Variants in CPNE4 observed in about 807,000 individuals in gnomAD.
CPNE4 encodes the protein copine 4, also known as copine-4.
A neutral mutation model predicts 67.9 loss-of-function variants in CPNE4; 25 were observed. That is an observed-to-expected ratio of 0.37 (90% CI 0.27 to 0.51). The LOEUF is 0.51. Ranked by LOEUF, CPNE4 falls within the 20% of genes least tolerant of loss-of-function variation. The probability of loss-of-function intolerance (pLI) is 0.93; values close to 1 mark genes in which losing one functional copy is unlikely to be tolerated. For synonymous variants in CPNE4, 242 were observed against 244.9 expected, an observed-to-expected ratio of 0.99 and a Z score of 0.11; for missense variants, 464 against 690.8, an observed-to-expected ratio of 0.67 and a Z score of 3.68.
chr3:131,952,670 G>A (rs200924829), intron 1 of CPNE4, among the ~76,000 whole-genome samples: 4 of 148,960 alleles, frequency 2.7e-5, no homozygotes, highest in South Asian at 2.2e-4. Flanking sequence ...GGTGAGGGGC[G>A]CCTCTGCCCG....
intron 3 of CPNE4, among the ~76,000 whole-genome samples, chr3:131,713,392 A>T (rs1167104067): frequency 6.6e-6 from 1 of 152,184 alleles, no homozygotes; most frequent in Non-Finnish European, 1.5e-5. Context: ...TTTACATGAG[A>T]TAAATACTTC....
intron 8 of CPNE4, 101 bp from the exon 9 acceptor site, chr3:131,581,766 G>T: frequency 2.5e-6 from 2 of 801,536 alleles, no homozygotes; most frequent in Non-Finnish European, 4.4e-6. Context: ...TGAACTGGAG[G>T]GCTGACAAAT....
At chr3:131,659,410 G>C (rs940129786) in intron 7 of CPNE4, among the ~76,000 whole-genome samples, 1 of 152,128 alleles carries the variant, frequency 6.6e-6, no homozygotes, top group African/African-American at 2.4e-5. Flanking sequence ...AATAATGTGA[G>C]GAAACTGCTT....
At chr3:132,035,041 A>T (rs1472904064), upstream of CPNE4, 5 of 985,306 alleles carry the variant, frequency 5.1e-6, no homozygotes, top group African/African-American at 5.2e-5. Flanking sequence ...GCAACCCGGC[A>T]AGAGACTGGT....
At chr3:131,701,032 G>C (rs1032189425) in intron 3 of CPNE4, among the ~76,000 whole-genome samples, 1 of 146,268 alleles carries the variant, frequency 6.8e-6, no homozygotes, top group Admixed American at 7.1e-5. Flanking sequence ...CTCATAGGTG[G>C]GAATTGAACA....
chr3:131,792,672 C>CACACGTGCATATATGT, intron 2 of CPNE4, among the ~76,000 whole-genome samples: 1 of 32,870 alleles, frequency 3.0e-5, no homozygotes, highest in African/African-American at 9.9e-5. Context: ...TGTATATATA[C>CACACGTGCATATATGT]ATATATACAC....
At chr3:132,000,826 A>T (rs2107662427) in intron 1 of CPNE4, among the ~76,000 whole-genome samples, 2 of 151,076 alleles carry the variant, frequency 1.3e-5, no homozygotes, top group South Asian at 4.2e-4. Flanking sequence ...AGCCTGAGCA[A>T]TGGAGTGAGA....
At chr3:131,771,471 A>T (rs2083164403) in intron 2 of CPNE4, among the ~76,000 whole-genome samples, 1 of 151,784 alleles carries the variant, frequency 6.6e-6, no homozygotes, top group East Asian at 1.9e-4. Flanking sequence ...TAGAGTTGCT[A>T]CTCTGTAACT....
At chr3:132,008,247 AGGTGTAACAAC>A (rs2073658390) in intron 1 of CPNE4, among the ~76,000 whole-genome samples, 1 of 152,232 alleles carries the variant, frequency 6.6e-6, no homozygotes, top group Non-Finnish European at 1.5e-5. Context: ...AGTAAATATT[AGGTGTAACAAC>A]CTAACTGTTG....
chr3:131,890,213 T>C (rs770254570), intron 2 of CPNE4, among the ~76,000 whole-genome samples: 6 of 151,922 alleles, frequency 3.9e-5, no homozygotes, highest in Non-Finnish European at 8.8e-5. Flanking sequence ...TTCTAAAATA[T>C]ATAATAAACT....
chr3:131,553,062 T>C (rs1376167885), intron 12 of CPNE4, among the ~76,000 whole-genome samples: 2 of 152,116 alleles, frequency 1.3e-5, no homozygotes, highest in Non-Finnish European at 2.9e-5. Flanking sequence ...TAATATACTT[T>C]GTAATATTTC....
At chr3:131,858,061 A>T (rs1236315178) in intron 2 of CPNE4, among the ~76,000 whole-genome samples, 2 of 152,116 alleles carry the variant, frequency 1.3e-5, no homozygotes, top group Non-Finnish European at 2.9e-5. Context: ...TTATTAATTT[A>T]AAAATATCAA....
chr3:131,999,723 G>A (rs948690693), intron 1 of CPNE4, among the ~76,000 whole-genome samples: 1 of 151,912 alleles, frequency 6.6e-6, no homozygotes, highest in African/African-American at 2.4e-5. Context: ...ACTGGCACTG[G>A]TTTAAAGGAT....
chr3:132,023,140 C>T (rs1307107899), intron 1 of CPNE4, among the ~76,000 whole-genome samples: 2 of 152,204 alleles, frequency 1.3e-5, no homozygotes, highest in African/African-American at 4.8e-5. Context: ...GGCTGTATTT[C>T]AGTCGTTAAC....
At chr3:131,812,668 T>C (rs2084582281) in intron 2 of CPNE4, among the ~76,000 whole-genome samples, 3 of 152,212 alleles carry the variant, frequency 2.0e-5, no homozygotes, top group Non-Finnish European at 4.4e-5. Flanking sequence ...GCATTTACTG[T>C]GTTCCAAGCA....
At chr3:131,874,674 T>A (rs2087364947) in intron 2 of CPNE4, among the ~76,000 whole-genome samples, 2 of 152,254 alleles carry the variant, frequency 1.3e-5, no homozygotes, top group Admixed American at 1.3e-4. Flanking sequence ...TGATGCTACT[T>A]CATATTCATT....
At chr3:131,940,216 T>C (rs553821313) in intron 1 of CPNE4, among the ~76,000 whole-genome samples, 2 of 152,130 alleles carry the variant, frequency 1.3e-5, no homozygotes, top group African/African-American at 2.4e-5. Context: ...TGAAACTTTG[T>C]TTCCAACAAT....
intron 1 of CPNE4, among the ~76,000 whole-genome samples, chr3:131,939,638 G>T (rs1221566723): frequency 6.6e-6 from 1 of 152,098 alleles, no homozygotes; most frequent in African/African-American, 2.4e-5. Context: ...AACTTTCTCA[G>T]TTTGGATGAT....
At chr3:131,547,052 T>G (rs892751519) in intron 14 of CPNE4, among the ~76,000 whole-genome samples, 1 of 152,192 alleles carries the variant, frequency 6.6e-6, no homozygotes, top group African/African-American at 2.4e-5. Context: ...CTTGCATCTA[T>G]GAAGGTTCAA....
Sources: gnomAD v4.1 joint callset for allele counts (sites outside exome capture counted in the v4.1 genomes callset) on GRCh38, gnomAD v4.1.1 for gene constraint, MANE v1.5 for transcripts, NCBI Gene and HGNC (gene_info 2026-07-23, HGNC 2026-07-21) for gene names.